Variants in NRXN1 observed in about 807,000 individuals in gnomAD.
NRXN1 encodes the protein neurexin 1.
NRXN1 carries 39 observed loss-of-function variants against 150.9 expected under a neutral mutation model. The ratio of observed to expected loss-of-function variants is 0.26; its 90% confidence interval spans 0.20 to 0.34. The LOEUF is 0.34. Ranked by LOEUF, NRXN1 falls within the 10% of genes least tolerant of loss-of-function variation. The pLI, the probability that NRXN1 is intolerant of heterozygous loss-of-function variation, is 1.00. For missense variants in NRXN1, 1,815 were observed against 1,949.9 expected (o/e 0.93, Z 1.30); for synonymous variants, 924 against 757.0 (o/e 1.22, Z -3.62).
intron 5 of NRXN1, among the ~76,000 whole-genome samples, chr2:50,713,668 G>A (rs922768349): frequency 6.6e-6 from 1 of 152,020 alleles, no homozygotes; most frequent in African/African-American, 2.4e-5. Context: ...ATGTGTATGT[G>A]TCCAAATGTA....
intron 8 of NRXN1, among the ~76,000 whole-genome samples, chr2:50,558,182 A>G (rs994363086): frequency 2.0e-5 from 3 of 152,192 alleles, no homozygotes; most frequent in Non-Finnish European, 4.4e-5. Context: ...AATAGGTATA[A>G]TTATTTCCTA....
At chr2:50,896,652 G>A (rs1682004062) in intron 5 of NRXN1, among the ~76,000 whole-genome samples, 1 of 152,090 alleles carries the variant, frequency 6.6e-6, no homozygotes, top group Admixed American at 6.5e-5. Context: ...TTCAAGATCA[G>A]ACTGGCCAAC....
At chr2:50,329,395 A>G (rs1434660715) in intron 17 of NRXN1, among the ~76,000 whole-genome samples, 1 of 151,364 alleles carries the variant, frequency 6.6e-6, no homozygotes, top group Non-Finnish European at 1.5e-5. Flanking sequence ...TGAAAATAAT[A>G]ATTGCAATCT....
At chr2:50,939,745 C>T (rs1689119395) in intron 2 of NRXN1, among the ~76,000 whole-genome samples, 1 of 152,144 alleles carries the variant, frequency 6.6e-6, no homozygotes, top group African/African-American at 2.4e-5. Context: ...AAAATAACCA[C>T]ATCAATTATG....
rs539247807 is a variant in NRXN1 at position 50,360,926 on chromosome 2, G to A, written c.3364+104516C>T. Among the ~76,000 whole-genome samples the A allele has an allele frequency of 1.1e-4, 17 of 152,222 alleles. 1 individual carries two copies. In the South Asian group the frequency reaches 1.5e-3, roughly 13 times the overall value. On this transcript the variant is annotated intron_variant, in intron 17 of 22. Coordinates refer to ENST00000401669, the MANE Select transcript of NRXN1 (RefSeq NM_001330078.2). ...ATAACAAACAGTCTCTCAGACCACCGTACAATCAAATTAGAACTCAGCATT... is the reference window on the plus strand; with the variant it reads ...ATAACAAACAGTCTCTCAGACCACCATACAATCAAATTAGAACTCAGCATT...
intron 18 of NRXN1, among the ~76,000 whole-genome samples, chr2:50,142,721 A>T (rs1343057177): frequency 1.3e-5 from 2 of 151,988 alleles, no homozygotes; most frequent in Non-Finnish European, 2.9e-5. Flanking sequence ...GTTAATATAT[A>T]AATTTTAGTT....
intron 22 of NRXN1, among the ~76,000 whole-genome samples, chr2:49,929,333 A>C (rs925796423): frequency 6.6e-6 from 1 of 152,192 alleles, no homozygotes; most frequent in African/African-American, 2.4e-5. Flanking sequence ...CTCCAGGGGA[A>C]GCCATAGGAT....
intron 21 of NRXN1, among the ~76,000 whole-genome samples, chr2:50,015,073 T>C (rs950227132): frequency 2.6e-5 from 4 of 152,176 alleles, no homozygotes; most frequent in Non-Finnish European, 4.4e-5. Context: ...AGCAGTTTTA[T>C]GATTTTTTAG....
intron 18 of NRXN1, among the ~76,000 whole-genome samples, chr2:50,236,574 C>G (rs1347190477): frequency 2.6e-5 from 3 of 113,446 alleles, no homozygotes; most frequent in African/African-American, 1.1e-4. Flanking sequence ...GGAATTCACA[C>G]TCCAAAAAAA....
chr2:50,877,294 AAGAT>A (rs747230267), intron 5 of NRXN1, among the ~76,000 whole-genome samples: 9 of 151,904 alleles, frequency 5.9e-5, no homozygotes, highest in African/African-American at 1.2e-4. Flanking sequence ...AAGTTAAACA[AAGAT>A]AGAGAACATC....
chr2:49,967,754 C>T (rs374103623), intron 21 of NRXN1, among the ~76,000 whole-genome samples: 3 of 152,124 alleles, frequency 2.0e-5, no homozygotes, highest in East Asian at 3.9e-4. Context: ...CCTTCTCTTG[C>T]AATTGAAATC....
At chr2:50,720,063 T>G (rs1696431011) in intron 5 of NRXN1, among the ~76,000 whole-genome samples, 1 of 152,222 alleles carries the variant, frequency 6.6e-6, no homozygotes, top group Admixed American at 6.5e-5. Flanking sequence ...TAACACATTT[T>G]CAGCCTGCAC....
At chr2:49,966,167 G>A (rs1457935049) in intron 21 of NRXN1, among the ~76,000 whole-genome samples, 1 of 152,196 alleles carries the variant, frequency 6.6e-6, no homozygotes, top group Non-Finnish European at 1.5e-5. Flanking sequence ...AGGGGAACGA[G>A]CAGTATAGGC....
Position 50,301,047 on chromosome 2 carries a change from C to G in NRXN1, c.3365-64077G>C, listed in dbSNP as rs370469595. ...AAGGATGCCTCATAGGGTTAGTGAACAAAAATACAAAAAGAGCTGGAACTC... is the reference window on the plus strand; with the variant it reads ...AAGGATGCCTCATAGGGTTAGTGAAGAAAAATACAAAAAGAGCTGGAACTC... On this transcript the variant is annotated intron_variant, in intron 17 of 22. Transcript: ENST00000401669. Among the ~76,000 whole-genome samples the G allele has an allele frequency of 6.6e-5, 10 of 152,092 alleles. No individual in the cohort carries two copies. The South Asian group carries it at 1.9e-3, about 28-fold the overall frequency.
intron 17 of NRXN1, among the ~76,000 whole-genome samples, chr2:50,383,205 C>T (rs2103697903): frequency 1.3e-5 from 2 of 152,210 alleles, no homozygotes; most frequent in East Asian, 3.9e-4. Flanking sequence ...CAGCAGAGTA[C>T]AACTAGGACA....
chr2:50,402,144 A>T (rs2082429484), intron 17 of NRXN1, among the ~76,000 whole-genome samples: 1 of 152,094 alleles, frequency 6.6e-6, no homozygotes, highest in African/African-American at 2.4e-5. Context: ...AAATAAAATT[A>T]ATCTGTAGCA....
intron 8 of NRXN1, among the ~76,000 whole-genome samples, chr2:50,556,121 T>A (rs892751014): frequency 6.6e-6 from 1 of 152,168 alleles, no homozygotes; most frequent in Non-Finnish European, 1.5e-5. Flanking sequence ...CAATTTTGCA[T>A]TGGTAGGCTT....
At chr2:50,573,464 G>GGAGTGGT (rs1195712140) in intron 8 of NRXN1, among the ~76,000 whole-genome samples, 2 of 151,978 alleles carry the variant, frequency 1.3e-5, no homozygotes, top group Admixed American at 6.6e-5. Flanking sequence ...AGTCTATGTG[G>GGAGTGGT]GAGTGGTAAC....
chr2:50,495,778 T>C (rs1479388976), intron 15 of NRXN1, 127 bp downstream of exon 15: 5 of 676,686 alleles, frequency 7.4e-6, no homozygotes, highest in Middle Eastern at 4.3e-4. Flanking sequence ...TTGTTAATTA[T>C]GTGCTGAAAA....
Sources: allele counts gnomAD v4.1 joint callset (sites outside exome capture counted in the v4.1 genomes callset), GRCh38; gene constraint gnomAD v4.1.1; transcripts MANE v1.5; gene names NCBI Gene and HGNC (gene_info 2026-07-23, HGNC 2026-07-21).